The following ZFHX3 variants were observed in gnomAD, a reference collection of about 807,000 sequenced individuals.
ZFHX3 encodes zinc finger homeobox 3, also known as zinc finger homeobox protein 3.
ZFHX3 carries 42 observed loss-of-function variants against 279.1 expected under a neutral mutation model. The ratio of observed to expected loss-of-function variants is 0.15; its 90% CI spans 0.12 to 0.19. The LOEUF (loss-of-function observed/expected upper bound fraction) is 0.19, where lower values mean the gene tolerates loss of function less well. Ranked by LOEUF, ZFHX3 falls within the 10% of genes least tolerant of loss-of-function variation. The probability of loss-of-function intolerance (pLI) is 1.00; values close to 1 mark genes in which losing one functional copy is unlikely to be tolerated. For missense variants in ZFHX3, 4,981 were observed against 4,754.0 expected (o/e 1.05, Z -1.40); for synonymous variants, 2,293 against 1,957.8 (o/e 1.17, Z -4.52).
intron 1 of ZFHX3, among the ~76,000 whole-genome samples, chr16:73,044,880 C>CA (rs1965236083): frequency 6.6e-6 from 1 of 152,180 alleles, no homozygotes; most frequent in South Asian, 2.1e-4. Flanking sequence ...CTCAGCCTCC[C>CA]AAAGTGCTGG....
chr16:73,249,433 G>A (rs1339780655), intron 5 of ZFHX3, among the ~76,000 whole-genome samples: 1 of 152,176 alleles, frequency 6.6e-6, no homozygotes, highest in Non-Finnish European at 1.5e-5. Context: ...TACAATCACG[G>A]CAGAAGGTAA....
chr16:73,830,940 A>G (rs1190386720), intron 1 of ZFHX3, among the ~76,000 whole-genome samples: 4 of 152,194 alleles, frequency 2.6e-5, no homozygotes, highest in Non-Finnish European at 5.9e-5. Flanking sequence ...AGTCCACCAC[A>G]TCAATTGCAC....
intron 8 of ZFHX3, among the ~76,000 whole-genome samples, chr16:73,075,752 G>C (rs1965880835): frequency 6.6e-6 from 1 of 151,838 alleles, no homozygotes; most frequent in Non-Finnish European, 1.5e-5. Flanking sequence ...TCTTGCCTCA[G>C]CCTCCCGAGT....
rs545614004 is a variant in ZFHX3, at chr16:72,945,928, C to A, written c.3216+4541G>T. ...AGACCCCCACTTCCCCCCAGCACAC[C>A]CACAGAGGAGCACCAAGAATGCAGA... On this transcript the variant is annotated intron_variant, in intron 3 of 9. Coordinates refer to ENST00000268489, the MANE Select transcript of ZFHX3 (RefSeq NM_006885.4). Among the ~76,000 whole-genome samples the A allele has an allele frequency of 3.9e-5, 6 of 152,212 alleles. No individual in the cohort carries two copies. In the South Asian group the frequency reaches 1.2e-3, roughly 32 times the overall value.
intron 7 of ZFHX3, among the ~76,000 whole-genome samples, chr16:73,113,848 G>A (rs1321673533): frequency 6.8e-6 from 1 of 147,168 alleles, no homozygotes; most frequent in Non-Finnish European, 1.5e-5. Context: ...AGGCTGGAGT[G>A]CAGTGGCGCG....
At chr16:72,888,846 A>G (rs1452813452) in intron 4 of ZFHX3, among the ~76,000 whole-genome samples, 1 of 152,216 alleles carries the variant, frequency 6.6e-6, no homozygotes, top group Non-Finnish European at 1.5e-5. Flanking sequence ...AGCAGTTCAC[A>G]GGGTTCTCTC....
At chr16:73,336,329 T>G (rs1371441898) in intron 3 of ZFHX3, among the ~76,000 whole-genome samples, 1 of 152,034 alleles carries the variant, frequency 6.6e-6, no homozygotes, top group Non-Finnish European at 1.5e-5. Flanking sequence ...TACAGGGTAA[T>G]CCATCACCCG....
intron 2 of ZFHX3, among the ~76,000 whole-genome samples, chr16:73,547,672 T>C (rs2143764556): frequency 6.6e-6 from 1 of 152,280 alleles, no homozygotes; most frequent in African/African-American, 2.4e-5. Flanking sequence ...ATCTGAACAC[T>C]AGGTCTAAAA....
At chr16:72,850,284 G>C (rs964608067) in intron 4 of ZFHX3, among the ~76,000 whole-genome samples, 1 of 152,194 alleles carries the variant, frequency 6.6e-6, no homozygotes, top group East Asian at 1.9e-4. Context: ...TCAGACCACA[G>C]GTCCCACATG....
At chr16:73,341,500 A>G (rs2016033758) in intron 3 of ZFHX3, among the ~76,000 whole-genome samples, 1 of 152,204 alleles carries the variant, frequency 6.6e-6, no homozygotes, top group Non-Finnish European at 1.5e-5. Context: ...AACTACATTA[A>G]AACAGTTTGA....
intron 1 of ZFHX3, among the ~76,000 whole-genome samples, chr16:73,005,158 T>C (rs1030958011): frequency 1.3e-5 from 2 of 152,330 alleles, no homozygotes; most frequent in Admixed American, 6.5e-5. Flanking sequence ...AATGTATTAG[T>C]AGTATCCAAT....
chr16:73,120,214 G>A (rs143084057), intron 7 of ZFHX3, among the ~76,000 whole-genome samples: 1 of 152,098 alleles, frequency 6.6e-6, no homozygotes, highest in Non-Finnish European at 1.5e-5. Context: ...TTGAATCACA[G>A]TAATATTAAG....
In ZFHX3 at chr16:73,039,366, G is replaced by T. The variant is rs371929112; in HGVS notation, c.-50+8386C>A. Among the ~76,000 whole-genome samples, 50 of 152,332 alleles carry T rather than the reference G, an allele frequency of 3.3e-4. No individual in the cohort carries two copies. The East Asian group carries it at 5.2e-3, about 16-fold the overall frequency. Reference sequence around the variant, plus strand: ...GCAGAGGCTGCTCAACTCCCAGGCTGCAGTGAAGGTGTCTAAATGGGGGGA... The same window carrying T: ...GCAGAGGCTGCTCAACTCCCAGGCTTCAGTGAAGGTGTCTAAATGGGGGGA... On this transcript the variant is annotated intron_variant, in intron 1 of 9. Transcript: ENST00000268489.
intron 2 of ZFHX3, among the ~76,000 whole-genome samples, chr16:73,601,231 T>A (rs1250465538): frequency 6.9e-6 from 1 of 144,128 alleles, no homozygotes; most frequent in Non-Finnish European, 1.5e-5. Context: ...AGCGGGTGGA[T>A]CACAAGGCCA....
intron 3 of ZFHX3, among the ~76,000 whole-genome samples, chr16:73,354,736 G>C (rs2016307396): frequency 6.6e-6 from 1 of 152,108 alleles, no homozygotes; most frequent in African/African-American, 2.4e-5. Flanking sequence ...TTCCCCTAAA[G>C]TCCTCCTGAA....
chr16:73,131,609 G>C (rs1567397159), intron 6 of ZFHX3, among the ~76,000 whole-genome samples: 1 of 152,196 alleles, frequency 6.6e-6, no homozygotes. Context: ...CACAGGGTGG[G>C]AGGGATATCC....
intron 3 of ZFHX3, among the ~76,000 whole-genome samples, chr16:73,367,867 CTTTTTT>C (rs10718886): frequency 8.7e-6 from 1 of 115,428 alleles, no homozygotes. Flanking sequence ...TAAGGAAGGT[CTTTTTT>C]TTTTTTTTTT....
Position 73,644,896 on chromosome 16 carries a change from T to C in ZFHX3, c.-1547+35284A>G, listed in dbSNP as rs532261229. On this transcript the variant is annotated intron_variant, in intron 2 of 17. Transcript: ENST00000641206. ...CCCCTCAAAGCCACAACATATTTAA[T>C]GTTGTTCTTCATAGAAGCCACAGCA... Among the ~76,000 whole-genome samples, 12 of 152,280 alleles carry C rather than the reference T, an allele frequency of 7.9e-5. No individual in the cohort carries two copies. In the East Asian group the frequency reaches 1.9e-3, roughly 25 times the overall value.
chr16:73,753,362 G>C (rs1465246763), intron 1 of ZFHX3, among the ~76,000 whole-genome samples: 1 of 152,152 alleles, frequency 6.6e-6, no homozygotes, highest in Non-Finnish European at 1.5e-5. Context: ...ACTCCCACTA[G>C]TGCAGTGACA....
Sources: allele counts gnomAD v4.1 joint callset (sites outside exome capture counted in the v4.1 genomes callset), GRCh38; gene constraint gnomAD v4.1.1; transcripts MANE v1.5; gene names NCBI Gene and HGNC (gene_info 2026-07-23, HGNC 2026-07-21).